Variants in FAM9C observed in about 807,000 individuals in gnomAD.
FAM9C encodes the protein protein FAM9C.
A neutral mutation model predicts 14.8 loss-of-function variants in FAM9C; 15 were observed. The ratio of observed to expected loss-of-function variants is 1.02; its 90% CI spans 0.68 to 1.56. FAM9C has a LOEUF of 1.56. Ranked by LOEUF, FAM9C falls within the 40% of genes most tolerant of loss-of-function variation. The pLI is 0.00. For missense variants in FAM9C, 116 were observed against 118.0 expected (o/e 0.98, Z 0.08); for synonymous variants, 45 against 37.5 (o/e 1.20, Z -0.74).
chrX:13,043,747 G>A lies in FAM9C; in HGVS notation c.43C>T (p.Gln15Ter). Residue 15 changes from glutamine (Q) to a stop codon, truncating the protein, a stop_gained, in exon 2 of 8, where the codon CAG becomes TAG. Coordinates refer to ENST00000380625, the MANE Select transcript of FAM9C (RefSeq NM_174901.6). LOFTEE classifies it high-confidence loss of function. Reference sequence around the variant, plus strand: ...TGTTTACCTGCAAGCTCCATTTCCTGGGCGGCCATAACTTGAACCTCCAAC... The same window carrying A: ...TGTTTACCTGCAAGCTCCATTTCCTAGGCGGCCATAACTTGAACCTCCAAC... ...DQLEVQVMAA[Q>*]EMELAGKDPV... 8.3e-7 allele frequency: 1 copy of A among 1,212,100 alleles called. No individual in the cohort carries two copies. The highest frequency in any genetic ancestry group is 1.1e-6 in the Non-Finnish European group (1 of 895,482).
At position 13,042,939 on chromosome X, in the gene FAM9C, T is replaced by C. The variant is rs150961638; in HGVS notation, c.193A>G (p.Lys65Glu). Residue 65 changes from lysine to glutamate, a missense_variant, in exon 4 of 8, where the codon AAG becomes GAG. By Grantham distance (56) the Lys-to-Glu change is moderately conservative (BLOSUM62 1). Transcript: ENST00000380625. ...ATACCTGCAATATCTTCTAGCTCCT[T>C]GGTATCAACCCTGTAACAAAAAGTT... ...ETDEHTGVDT[K>E]ELEDIAADIK... 3.2e-5 allele frequency: 38 copies of C among 1,195,272 alleles called. No homozygotes were observed. The African/African-American group carries it at 6.5e-4, about 21-fold the overall frequency.
chrX:13,043,121 A>C lies in FAM9C; in HGVS notation c.182+7T>G. Reference sequence around the variant, plus strand: ...TCTGACAGGCAAAAGGGACTTAAACACTTTACCCCGTGTGTTCATCTGTTT... The same window carrying C: ...TCTGACAGGCAAAAGGGACTTAAACCCTTTACCCCGTGTGTTCATCTGTTT... On this transcript the variant is annotated splice_region_variant and intron_variant, in intron 3 of 7. Coordinates refer to ENST00000380625, the MANE Select transcript of FAM9C (RefSeq NM_174901.6). 1 of 1,201,756 alleles carries C rather than the reference A, an allele frequency of 8.3e-7. No homozygotes were observed.
chrX:13,038,489 C>T lies in FAM9C; in HGVS notation c.453G>A (p.Glu151=), dbSNP rs142161030. ...EKEEQIKIFQ[E]QQKRWQQDGK... is the part of the protein sequence containing the mutation. ...CATCTTGTTGCCACCTCTTTTGTTG[C>T]TCTTGAAATATTTTCTAGAGGCACA... The change falls in exon 7 of 8, where the codon GAG becomes GAA. Residue 151 remains glutamate, a synonymous_variant. Transcript: ENST00000380625. The T allele has an allele frequency of 1.9e-4, 227 of 1,202,844 alleles. 1 individual carries two copies. In the African/African-American group the frequency reaches 3.6e-3, roughly 19 times the overall value.
intron 7 of FAM9C, chrX:13,037,751 T>C (rs754916480): frequency 1.4e-4 from 16 of 113,178 alleles, no homozygotes; most frequent in South Asian, 3.7e-4. Flanking sequence ...CCGATGACAA[T>C]TTGCTAATGT....
At chrX:13,036,803 G>A (rs1447509772) in intron 7 of FAM9C, 2 of 110,593 alleles carry the variant, frequency 1.8e-5, no homozygotes, top group African/African-American at 6.6e-5. Flanking sequence ...AAATATGCAC[G>A]AATAAAAAAA....
chrX:13,040,999 G>T, intron 4 of FAM9C, 127 bp from the exon 5 acceptor site: 1 of 365,895 alleles, frequency 2.7e-6, no homozygotes, highest in Non-Finnish European at 4.6e-6. Flanking sequence ...AAAATGCAAA[G>T]ATCATTTCAA....
chrX:13,043,019 T>C, intron 3 of FAM9C, 70 bp from the exon 4 acceptor site: 1 of 1,163,808 alleles, frequency 8.6e-7, no homozygotes. Context: ...TGGGAAGAAA[T>C]GTCTTGTGTG....
chrX:13,042,529 C>A (rs1310427348), intron 4 of FAM9C: 2 of 162,643 alleles, frequency 1.2e-5, no homozygotes, highest in Non-Finnish European at 2.3e-5. Flanking sequence ...CGCAATTTAT[C>A]TATATAACGA....
chrX:13,040,876 G>A lies in FAM9C; in HGVS notation c.215-4C>T, dbSNP rs2043520340. On this transcript the variant is annotated splice_polypyrimidine_tract_variant and splice_region_variant and intron_variant, in intron 4 of 7. Coordinates refer to ENST00000380625, the MANE Select transcript of FAM9C (RefSeq NM_174901.6). ...GCAAGATGCTCTTTAATGTCAGCTA[G>A]ATAGTAAATGAATATGCATTAAATG... 9.2e-7 allele frequency: 1 copy of A among 1,085,363 alleles called. No individual in the cohort carries two copies. The highest frequency in any genetic ancestry group is 2.8e-5 in the Admixed American group (1 of 36,121). 89.4% of individuals were successfully genotyped at this position (1,085,363 alleles called of 1,213,427 possible). A position where few individuals can be genotyped will look rare whatever the true frequency, so the allele number is the denominator to read the frequency against.
intron 5 of FAM9C, chrX:13,040,330 G>A: frequency 1.3e-6 from 1 of 764,102 alleles, no homozygotes; most frequent in Non-Finnish European, 1.6e-6. Flanking sequence ...CTCCACTTTG[G>A]CACGACAATG....
chrX:13,043,978 G>A, intron 1 of FAM9C, 121 bp from the exon 2 acceptor site: 1 of 445,696 alleles, frequency 2.2e-6, no homozygotes, highest in South Asian at 3.2e-5. Context: ...GGGACGCGGA[G>A]AAGATGCCAT....
At chrX:13,042,530 T>C (rs1316243093) in intron 4 of FAM9C, 2 of 164,206 alleles carry the variant, frequency 1.2e-5, no homozygotes, top group Non-Finnish European at 2.3e-5. Flanking sequence ...GCAATTTATC[T>C]ATATAACGAA....
At position 13,040,747 on chromosome X, in the gene FAM9C, A is replaced by G; in HGVS notation, c.329+11T>C. The G allele has an allele frequency of 9.1e-7, 1 of 1,103,344 alleles. No homozygotes were observed. Among genetic ancestry groups the G allele is most frequent in the Non-Finnish European group, 1.2e-6 (1 of 820,505 alleles). The allele number at this position is 1,103,344 out of a possible 1,213,427, so 90.9% of individuals were successfully genotyped here. ...ATAAATATCATTATTCAAAAAAGCC[A>G]ACAATCATACCTTTTTAGTTGTGTT... is the stretch of plus-strand genomic sequence containing the variant. On this transcript the variant is annotated intron_variant, in intron 5 of 7. Coordinates refer to ENST00000380625, the MANE Select transcript of FAM9C (RefSeq NM_174901.6).
Position 13,043,850 on chromosome X carries a change from C to A in FAM9C, c.-61G>T. 9.1e-7 allele frequency: 1 copy of A among 1,097,751 alleles called. No homozygotes were observed. The highest frequency in any genetic ancestry group is 1.3e-6 in the Non-Finnish European group (1 of 792,838). 90.5% of individuals were successfully genotyped at this position (1,097,751 alleles called of 1,213,427 possible). ...ACTGGCCTGGGAAGCTAGAGGCGAC[C>A]TCTGAACCTGGTGAGTGCAAAGACA... On this transcript the variant is annotated 5_prime_UTR_variant, in exon 2 of 8. In the 5' UTR this introduces an upstream ATG that the reference lacks. Coordinates refer to ENST00000380625, the MANE Select transcript of FAM9C (RefSeq NM_174901.6).
intron 5 of FAM9C, chrX:13,040,529 C>G: frequency 3.6e-6 from 1 of 278,281 alleles, no homozygotes; most frequent in East Asian, 7.3e-5. Flanking sequence ...GACTTTTTAT[C>G]TGGAAGGCAA....
In FAM9C at chrX:13,039,327, C is replaced by T. The variant is rs187461972; in HGVS notation, c.438+481G>A. 3.1e-3 allele frequency among the ~76,000 whole-genome samples: 346 copies of T among 111,378 alleles called. 1 individual carries two copies. Among genetic ancestry groups the T allele is most frequent in the African/African-American group, 0.011 (326 of 30,591 alleles). ...CTTCCCAACATACAGCCACTACCTT[C>T]CTGCCACTGTAGGTCACTCACTTCA... On this transcript the variant is annotated intron_variant, in intron 6 of 7. Transcript: ENST00000380625.
chrX:13,042,850 T>A (rs775666633), intron 4 of FAM9C, 68 bp downstream of exon 4: 19 of 1,102,417 alleles, frequency 1.7e-5, no homozygotes, highest in Non-Finnish European at 2.0e-5. Context: ...CTAATTCATA[T>A]AACCTACTGT....
Position 13,038,702 on chromosome X carries a change from A to C in FAM9C, c.439-199T>G, listed in dbSNP as rs5979794. Among the ~76,000 whole-genome samples the C allele has an allele frequency of 4.7e-3, 533 of 112,372 alleles. 1 individual carries two copies. Among genetic ancestry groups the C allele is most frequent in the Middle Eastern group, 0.014 (3 of 218 alleles). On this transcript the variant is annotated intron_variant, in intron 6 of 7. Coordinates refer to ENST00000380625, the MANE Select transcript of FAM9C (RefSeq NM_174901.6). Reference sequence around the variant, plus strand: ...CTTTTTCATCAGTCATGGAGTAAAGAATTTTCTTTCTTATACATATTCAAC... The same window carrying C: ...CTTTTTCATCAGTCATGGAGTAAAGCATTTTCTTTCTTATACATATTCAAC...
At position 13,039,694 on chromosome X, in the gene FAM9C, G is replaced by T. The variant is rs772602768; in HGVS notation, c.438+114C>A. The T allele has an allele frequency of 2.0e-4, 215 of 1,083,054 alleles. 1 individual carries two copies. The African/African-American group carries it at 3.6e-3, about 18-fold the overall frequency. 89.3% of individuals were successfully genotyped at this position (1,083,054 alleles called of 1,213,427 possible). Reference sequence around the variant, plus strand: ...CCCTAGTCCATGAGTCCACTAATGGGCGACCCTCTCTGGGCTCATGCTCTC... The same window carrying T: ...CCCTAGTCCATGAGTCCACTAATGGTCGACCCTCTCTGGGCTCATGCTCTC... On this transcript the variant is annotated intron_variant, in intron 6 of 7. Transcript: ENST00000380625.
Sources: allele counts gnomAD v4.1 joint callset (sites outside exome capture counted in the v4.1 genomes callset), GRCh38; gene constraint gnomAD v4.1.1; transcripts MANE v1.5; gene names NCBI Gene and HGNC (gene_info 2026-07-23, HGNC 2026-07-21).